Variants in PTPRD observed in about 807,000 individuals in gnomAD.
PTPRD encodes protein tyrosine phosphatase receptor type D.
PTPRD carries 34 observed loss-of-function variants against 214.5 expected under a neutral mutation model. The ratio of observed to expected loss-of-function variants is 0.16; its 90% CI spans 0.12 to 0.21. The LOEUF (loss-of-function observed/expected upper bound fraction) is 0.21, where lower values mean the gene tolerates loss of function less well. Ranked by LOEUF, PTPRD falls within the 10% of genes least tolerant of loss-of-function variation. The pLI is 1.00. For missense variants in PTPRD, 2,545 were observed against 2,398.7 expected (o/e 1.06, Z -1.27); for synonymous variants, 1,128 against 845.7 (o/e 1.33, Z -5.79).
intron 9 of PTPRD, among the ~76,000 whole-genome samples, chr9:9,278,096 C>T (rs1361668758): frequency 2.0e-5 from 3 of 151,068 alleles, no homozygotes; most frequent in South Asian, 2.1e-4. Context: ...ATGCTTTCCA[C>T]GATTTGACAT....
intron 7 of PTPRD, among the ~76,000 whole-genome samples, chr9:9,643,851 AT>A (rs2096056625): frequency 6.6e-6 from 1 of 152,176 alleles, no homozygotes. Context: ...TTTTCTAAAA[AT>A]ATCTTTTATT....
chr9:10,332,764 G>A (rs1233513220), intron 3 of PTPRD, among the ~76,000 whole-genome samples: 1 of 151,708 alleles, frequency 6.6e-6, no homozygotes, highest in Non-Finnish European at 1.5e-5. Context: ...AACTCTTGCA[G>A]TCCGGTGAAA....
At chr9:9,808,448 G>T (rs548973353) in intron 5 of PTPRD, among the ~76,000 whole-genome samples, 3 of 152,200 alleles carry the variant, frequency 2.0e-5, no homozygotes, top group African/African-American at 7.2e-5. Context: ...GACCAGAAAA[G>T]ATTAACCACT....
chr9:10,400,784 T>C (rs1288584609), intron 2 of PTPRD, among the ~76,000 whole-genome samples: 1 of 151,664 alleles, frequency 6.6e-6, no homozygotes, highest in Non-Finnish European at 1.5e-5. Context: ...TAAAATTATA[T>C]ATTATTGTCC....
intron 2 of PTPRD, among the ~76,000 whole-genome samples, chr9:10,547,986 A>C (rs1274839921): frequency 6.6e-6 from 1 of 152,132 alleles, no homozygotes; most frequent in Non-Finnish European, 1.5e-5. Context: ...AAACATGATA[A>C]TTCAGATTAA....
At chr9:8,575,570 G>A (rs770203768) in intron 14 of PTPRD, among the ~76,000 whole-genome samples, 1 of 152,080 alleles carries the variant, frequency 6.6e-6, no homozygotes, top group African/African-American at 2.4e-5. Flanking sequence ...ATCTAGACCA[G>A]TGTCTCTGCA....
rs1009046613 is a variant in PTPRD at position 9,617,510 on chromosome 9, T to C, written c.-286-42729A>G. On this transcript the variant is annotated intron_variant, in intron 7 of 45. Coordinates refer to ENST00000381196, the MANE Select transcript of PTPRD (RefSeq NM_002839.4). ...TGAATAATGGAAGTGTATGGAAAGG[T>C]TGACAAATGTGTGTGAGTCCTGATG... is the stretch of plus-strand genomic sequence containing the variant. 1.1e-4 allele frequency among the ~76,000 whole-genome samples: 17 copies of C among 152,294 alleles called. No homozygotes were observed. In the East Asian group the frequency reaches 2.3e-3, roughly 21 times the overall value.
At chr9:8,895,673 A>G (rs1215746743) in intron 11 of PTPRD, among the ~76,000 whole-genome samples, 2 of 152,166 alleles carry the variant, frequency 1.3e-5, no homozygotes, top group Non-Finnish European at 2.9e-5. Context: ...TTTTTAATCC[A>G]TGTCACTTCA....
intron 2 of PTPRD, among the ~76,000 whole-genome samples, chr9:10,378,244 T>C (rs568299919): frequency 1.3e-5 from 2 of 152,200 alleles, no homozygotes; most frequent in Admixed American, 6.6e-5. Flanking sequence ...GTTGAAAATA[T>C]AGTTTCCAGT....
intron 4 of PTPRD, among the ~76,000 whole-genome samples, chr9:10,031,649 C>CATATATATATAT (rs57498832): frequency 1.2e-5 from 1 of 82,544 alleles, no homozygotes; most frequent in Admixed American, 1.3e-4. Flanking sequence ...TATATATATA[C>CATATATATATAT]ACACACACAC....
chr9:9,853,722 T>A (rs1193029734), intron 5 of PTPRD, among the ~76,000 whole-genome samples: 1 of 152,082 alleles, frequency 6.6e-6, no homozygotes, highest in Non-Finnish European at 1.5e-5. Flanking sequence ...CTAATGTTTG[T>A]ATTTTTAGTA....
chr9:9,062,662 TG>T (rs1326231934), intron 10 of PTPRD, among the ~76,000 whole-genome samples: 2 of 152,216 alleles, frequency 1.3e-5, no homozygotes, highest in Non-Finnish European at 2.9e-5. Context: ...AAGAGTTGAA[TG>T]TATGTTTCAG....
chr9:10,500,518 C>T (rs1220669466), intron 2 of PTPRD, among the ~76,000 whole-genome samples: 1 of 151,834 alleles, frequency 6.6e-6, no homozygotes, highest in East Asian at 1.9e-4. Context: ...GAGCACCCAT[C>T]CCATCAAGCA....
chr9:8,401,711 C>T (rs10977050), intron 36 of PTPRD, among the ~76,000 whole-genome samples: 16,817 of 152,098 alleles, frequency 0.11, 1,923 homozygotes, highest in East Asian at 0.51. Context: ...ACTTGCTCTA[C>T]TAAACAAATA....
intron 5 of PTPRD, among the ~76,000 whole-genome samples, chr9:9,833,678 C>CGGG (rs769522569): frequency 1.8e-5 from 2 of 112,966 alleles, no homozygotes; most frequent in South Asian, 2.9e-4. Context: ...AGGTACGCTC[C>CGGG]GGAGAGGGGG....
At chr9:10,501,994 G>C (rs916861942) in intron 2 of PTPRD, among the ~76,000 whole-genome samples, 4 of 152,018 alleles carry the variant, frequency 2.6e-5, no homozygotes, top group East Asian at 3.9e-4. Flanking sequence ...GGAGATTCTA[G>C]TGTACAGAGT....
At chr9:9,335,300 A>G (rs533422667) in intron 9 of PTPRD, among the ~76,000 whole-genome samples, 1 of 152,202 alleles carries the variant, frequency 6.6e-6, no homozygotes, top group African/African-American at 2.4e-5. Flanking sequence ...TTCCATAATT[A>G]GACTCTTTTG....
At chr9:8,662,755 T>A (rs2097090010) in intron 12 of PTPRD, among the ~76,000 whole-genome samples, 1 of 152,176 alleles carries the variant, frequency 6.6e-6, no homozygotes, top group Non-Finnish European at 1.5e-5. Context: ...ATTCTCAAAC[T>A]TTTATCCCGT....
chr9:8,422,977 A>G (rs1216034089), intron 35 of PTPRD, among the ~76,000 whole-genome samples: 2 of 152,190 alleles, frequency 1.3e-5, no homozygotes, highest in African/African-American at 2.4e-5. Context: ...CACTGCAGCC[A>G]CATAGGCACT....
Sources: gnomAD v4.1 joint callset for allele counts (sites outside exome capture counted in the v4.1 genomes callset) on GRCh38, gnomAD v4.1.1 for gene constraint, MANE v1.5 for transcripts, NCBI Gene and HGNC (gene_info 2026-07-23, HGNC 2026-07-21) for gene names.